Variants in LAMA2 observed in about 807,000 individuals in gnomAD.
LAMA2 encodes laminin subunit alpha 2.
LAMA2 carries 269 observed loss-of-function variants against 364.8 expected under a neutral mutation model. The ratio of observed to expected loss-of-function variants is 0.74; its 90% CI spans 0.67 to 0.82. LAMA2 has a LOEUF of 0.82. Among genes scored for constraint, LAMA2 ranks in the 40% least tolerant of loss-of-function variants. LAMA2 has a pLI of 0.00. For missense variants in LAMA2, 3,807 were observed against 3,873.2 expected, an observed-to-expected ratio of 0.98 and a Z score of 0.45; for synonymous variants, 1,379 against 1,370.6, an observed-to-expected ratio of 1.01 and a Z score of -0.14.
chr6:129,131,748 A>G (rs1241464629), intron 4 of LAMA2, among the ~76,000 whole-genome samples: 1 of 152,228 alleles, frequency 6.6e-6, no homozygotes, highest in Non-Finnish European at 1.5e-5. Flanking sequence ...GTTTACTTGT[A>G]TCAAAATTGT....
chr6:129,460,405 C>T, intron 49 of LAMA2, 81 bp downstream of exon 49: 3 of 1,366,590 alleles, frequency 2.2e-6, no homozygotes, highest in Non-Finnish European at 3.1e-6. Context: ...ATTCTATTAT[C>T]ATGTGGATGA....
At chr6:129,056,331 C>T (rs1788489314) in intron 2 of LAMA2, among the ~76,000 whole-genome samples, 1 of 152,170 alleles carries the variant, frequency 6.6e-6, no homozygotes, top group African/African-American at 2.4e-5. Flanking sequence ...TTGCTGTCAT[C>T]ATAAAGACCT....
At chr6:129,294,980 C>T (rs539850021) in intron 20 of LAMA2, among the ~76,000 whole-genome samples, 178 of 152,228 alleles carry the variant, frequency 1.2e-3, no homozygotes, top group Non-Finnish European at 2.1e-3. Context: ...AGAAAGTCAA[C>T]GTTCATTCAA....
intron 12 of LAMA2, among the ~76,000 whole-genome samples, chr6:129,206,206 A>T (rs564074561): frequency 6.6e-6 from 1 of 152,036 alleles, no homozygotes; most frequent in Non-Finnish European, 1.5e-5. Context: ...TATCTAATCT[A>T]TATGTATGAC....
chr6:129,371,203 G>A (rs1778051790), intron 34 of LAMA2, among the ~76,000 whole-genome samples: 1 of 151,716 alleles, frequency 6.6e-6, no homozygotes, highest in Non-Finnish European at 1.5e-5. Flanking sequence ...GTTGGCAGAT[G>A]AAAAATATGA....
intron 1 of LAMA2, among the ~76,000 whole-genome samples, chr6:129,037,654 T>A (rs1340839009): frequency 6.6e-6 from 1 of 151,612 alleles, no homozygotes; most frequent in Non-Finnish European, 1.5e-5. Context: ...TCCACAATAT[T>A]CATTTAATTT....
chr6:128,998,041 T>A, intron 1 of LAMA2, among the ~76,000 whole-genome samples: 1 of 151,932 alleles, frequency 6.6e-6, no homozygotes, highest in Non-Finnish European at 1.5e-5. Flanking sequence ...GTCAGAGAGC[T>A]GCACAGATGG....
At chr6:129,114,861 A>G (rs1030109848) in intron 4 of LAMA2, among the ~76,000 whole-genome samples, 1 of 151,984 alleles carries the variant, frequency 6.6e-6, no homozygotes. Context: ...GTGGGAACTG[A>G]TTTGTCTAGT....
chr6:129,417,649 C>T (rs868752529), intron 40 of LAMA2, among the ~76,000 whole-genome samples: 7 of 152,098 alleles, frequency 4.6e-5, no homozygotes, highest in African/African-American at 1.4e-4. Context: ...CTGCCATCCA[C>T]GGCGCCCACT....
chr6:129,035,170 A>G (rs1489047602), intron 1 of LAMA2, among the ~76,000 whole-genome samples: 4 of 151,938 alleles, frequency 2.6e-5, no homozygotes, highest in Non-Finnish European at 5.9e-5. Flanking sequence ...TTTTAATACT[A>G]GCTATTCTAA....
At position 129,440,961 on chromosome 6, in the gene LAMA2, C is replaced by G. The variant is rs925237966; in HGVS notation, c.6231C>G (p.Ala2077=). The G allele has an allele frequency of 2.5e-6, 4 of 1,613,704 alleles. No individual in the cohort carries two copies. In the African/African-American group the frequency reaches 5.3e-5, roughly 22 times the overall value. The change falls in exon 43 of 65, where the codon GCC becomes GCG. Residue 2077 remains alanine (A), a synonymous_variant. Coordinates refer to ENST00000421865, the MANE Select transcript of LAMA2 (RefSeq NM_000426.4). ...KNYNKLADSV[A]KTNAVVKDPS... is the part of the protein sequence containing the mutation. ...ACAATAAACTAGCAGACAGCGTCGC[C>G]AAAACGAATGCTGTGGTTAAAGATC... is the stretch of plus-strand genomic sequence containing the variant.
At chr6:129,312,381 A>C (rs1204372628) in intron 22 of LAMA2, among the ~76,000 whole-genome samples, 1 of 152,206 alleles carries the variant, frequency 6.6e-6, no homozygotes, top group Non-Finnish European at 1.5e-5. Context: ...TTGTATGTTC[A>C]CATAGCATTT....
chr6:128,910,501 C>T lies in LAMA2; in HGVS notation c.112+27144C>T, dbSNP rs1351700196. Among the ~76,000 whole-genome samples the T allele has an allele frequency of 4.6e-5, 7 of 152,144 alleles. No individual in the cohort carries two copies. In the East Asian group the frequency reaches 5.8e-4, roughly 13 times the overall value. On this transcript the variant is annotated intron_variant, in intron 1 of 64. Coordinates refer to ENST00000421865, the MANE Select transcript of LAMA2 (RefSeq NM_000426.4). ...TTTCAGCTCCATCAGCTCCTTTAAG[C>T]ATTTCTCTGTATTGGTTATTCTAGT...
intron 1 of LAMA2, among the ~76,000 whole-genome samples, chr6:128,948,777 C>T (rs1355499152): frequency 6.6e-6 from 1 of 152,112 alleles, no homozygotes; most frequent in Non-Finnish European, 1.5e-5. Flanking sequence ...TCTCCCCCTG[C>T]TCTCTCTTGC....
intron 29 of LAMA2, among the ~76,000 whole-genome samples, chr6:129,340,448 A>G (rs564914083): frequency 6.6e-6 from 1 of 152,328 alleles, no homozygotes; most frequent in Non-Finnish European, 1.5e-5. Flanking sequence ...AAGGACGGAA[A>G]CAAATGTCAA....
chr6:129,314,457 A>G (rs2494576), intron 23 of LAMA2, among the ~76,000 whole-genome samples, 198 bp from the exon 24 acceptor site: 448 of 152,056 alleles, frequency 2.9e-3, no homozygotes, highest in African/African-American at 0.01. Flanking sequence ...TTAAAAATAA[A>G]GCATTTTTAA....
At chr6:129,186,515 A>G (rs115916776) in intron 10 of LAMA2, among the ~76,000 whole-genome samples, 2 of 151,732 alleles carry the variant, frequency 1.3e-5, no homozygotes, top group Non-Finnish European at 3.0e-5. Context: ...ATTTCAATAA[A>G]TGCCCTTTAG....
intron 1 of LAMA2, among the ~76,000 whole-genome samples, chr6:128,978,546 G>A (rs1478662360): frequency 6.6e-6 from 1 of 151,994 alleles, no homozygotes; most frequent in Non-Finnish European, 1.5e-5. Context: ...TTGAACTCTT[G>A]ACCTCATGAT....
intron 12 of LAMA2, among the ~76,000 whole-genome samples, chr6:129,196,315 A>C (rs905684875): frequency 2.6e-5 from 4 of 152,176 alleles, no homozygotes; most frequent in Admixed American, 6.5e-5. Flanking sequence ...CTCAAATTAA[A>C]GCTATAGATT....
Sources: allele counts gnomAD v4.1 joint callset (sites outside exome capture counted in the v4.1 genomes callset), GRCh38; gene constraint gnomAD v4.1.1; transcripts MANE v1.5; gene names NCBI Gene and HGNC (gene_info 2026-07-23, HGNC 2026-07-21).